Variants in CLTCL1 observed in about 807,000 individuals in gnomAD.
The protein encoded by CLTCL1 is clathrin heavy chain like 1, also known as clathrin heavy chain 2.
In CLTCL1, 159 loss-of-function variants were observed where a neutral mutation model predicts 190.0. That is an observed-to-expected ratio of 0.84 (90% CI 0.74 to 0.95). The LOEUF (loss-of-function observed/expected upper bound fraction) is 0.95. Among genes scored for constraint, CLTCL1 ranks in the 40% least tolerant of loss-of-function variants. The pLI is 0.00. For synonymous variants in CLTCL1, 752 were observed against 769.6 expected, an observed-to-expected ratio of 0.98 and a Z score of 0.38; for missense variants, 1,878 against 2,033.4, an observed-to-expected ratio of 0.92 and a Z score of 1.47.
chr22:19,283,645 T>C (rs1555988407), intron 1 of CLTCL1, among the ~76,000 whole-genome samples: 2 of 152,148 alleles, frequency 1.3e-5, no homozygotes, highest in African/African-American at 2.4e-5. Context: ...AGATGCTGTC[T>C]AATGATCCTT....
chr22:19,258,449 C>A (rs2086836588), intron 2 of CLTCL1: 1 of 424,722 alleles, frequency 2.4e-6, no homozygotes, highest in Middle Eastern at 7.8e-4. Context: ...TTGGCCTGGA[C>A]TTGATGAGAA....
In CLTCL1 at chr22:19,209,030, C is replaced by T; in HGVS notation, c.3334G>A (p.Ala1112Thr). ...AAATCTTTCTGGAGCTGGGCTTGGG[C>T]CAGCTGACTCCACACAGCAGGCTCA... ...CNEPAVWSQL[A>T]QAQLQKDLVK... Residue 1112 changes from alanine (A) to threonine (T), a missense_variant, in exon 21 of 33, where the codon GCC becomes ACC. Transcript: ENST00000427926. 1.2e-6 allele frequency: 2 copies of T among 1,610,660 alleles called. No individual in the cohort carries two copies. Among genetic ancestry groups the T allele is most frequent in the Non-Finnish European group, 1.7e-6 (2 of 1,178,510 alleles).
At chr22:19,272,533 C>T (rs1406464263) in intron 2 of CLTCL1, among the ~76,000 whole-genome samples, 3 of 152,140 alleles carry the variant, frequency 2.0e-5, no homozygotes, top group African/African-American at 7.2e-5. Flanking sequence ...TGCAATAGCA[C>T]GATCTTGGCT....
chr22:19,221,335 A>G, intron 17 of CLTCL1, 42 bp downstream of exon 17: 1 of 1,439,418 alleles, frequency 6.9e-7, no homozygotes, highest in Non-Finnish European at 9.4e-7. Flanking sequence ...CTTCCCTGGG[A>G]GCCCAGGGTT....
At chr22:19,205,288 T>C (rs2085015924) in intron 22 of CLTCL1, among the ~76,000 whole-genome samples, 1 of 152,166 alleles carries the variant, frequency 6.6e-6, no homozygotes, top group Non-Finnish European at 1.5e-5. Flanking sequence ...GGCGGGTGGA[T>C]GGTTTGAGCA....
chr22:19,232,562 C>A lies in CLTCL1; in HGVS notation c.1558G>T (p.Gly520Cys), dbSNP rs1337448910. The change falls in exon 10 of 33, where the codon GGT (glycine) becomes TGT (cysteine). Residue 520 changes from glycine to cysteine, a missense_variant. Physicochemically the swap from Gly to Cys is radical, Grantham distance 159. Coordinates refer to ENST00000427926, the MANE Select transcript of CLTCL1 (RefSeq NM_007098.4). Reference protein sequence around the residue: ...YTPDWIFLLRGVMKISPEQGL... With the variant: ...YTPDWIFLLRCVMKISPEQGL... ...TGTTCCGGACTGATCTTCATTACACCCCTCAGCAGAAAGATCCAGTCTGGG... is the reference window on the plus strand; with the variant it reads ...TGTTCCGGACTGATCTTCATTACACACCTCAGCAGAAAGATCCAGTCTGGG... 6.2e-6 allele frequency: 10 copies of A among 1,613,820 alleles called. No individual in the cohort carries two copies. In the East Asian group the frequency reaches 2.2e-4, roughly 36 times the overall value.
chr22:19,275,060 C>T (rs2087453629), intron 2 of CLTCL1, among the ~76,000 whole-genome samples: 1 of 152,146 alleles, frequency 6.6e-6, no homozygotes. Context: ...AGTGATACTG[C>T]ATTTCACACA....
chr22:19,242,283 T>G (rs2145955172), intron 4 of CLTCL1, among the ~76,000 whole-genome samples: 1 of 150,360 alleles, frequency 6.7e-6, no homozygotes, highest in African/African-American at 2.4e-5. Context: ...CTAGTCTGTG[T>G]GGAAGGATTT....
In CLTCL1 at chr22:19,191,760, A is replaced by G. The variant is rs116461838; in HGVS notation, c.4192-325T>C. 5.7e-3 allele frequency among the ~76,000 whole-genome samples: 862 copies of G among 152,350 alleles called. 11 individuals carry two copies. Among genetic ancestry groups the G allele is most frequent in the African/African-American group, 0.019 (775 of 41,588 alleles). On this transcript the variant is annotated intron_variant, in intron 26 of 32. Transcript: ENST00000427926. ...GTAATCAGTCAGAATGAAGCCCCACAGCAAAACCAAACAACAGAGTATGTT... is the reference window on the plus strand; with the variant it reads ...GTAATCAGTCAGAATGAAGCCCCACGGCAAAACCAAACAACAGAGTATGTT...
intron 22 of CLTCL1, among the ~76,000 whole-genome samples, chr22:19,206,409 T>C (rs1260389157): frequency 6.6e-6 from 1 of 151,832 alleles, no homozygotes; most frequent in Non-Finnish European, 1.5e-5. Flanking sequence ...ACTCGGCTAA[T>C]ATTTTTTAGT....
chr22:19,281,771 T>G (rs1555986880), intron 1 of CLTCL1, among the ~76,000 whole-genome samples: 1 of 152,160 alleles, frequency 6.6e-6, no homozygotes, highest in Non-Finnish European at 1.5e-5. Flanking sequence ...CAACTCCAAA[T>G]ACCAAGAATT....
chr22:19,186,892 C>T (rs782289132), intron 29 of CLTCL1, among the ~76,000 whole-genome samples: 5 of 151,982 alleles, frequency 3.3e-5, no homozygotes, highest in Non-Finnish European at 5.9e-5. Flanking sequence ...TGAGCCACCA[C>T]GTCCAGCCTT....
intron 1 of CLTCL1, among the ~76,000 whole-genome samples, chr22:19,285,283 G>A (rs5746712): frequency 0.07 from 10,546 of 151,656 alleles, 449 homozygotes; most frequent in Middle Eastern, 0.17. Context: ...TTAAAAAAAA[G>A]AAAAAGAAAA....
chr22:19,209,322 AAG>A (rs570273122), intron 20 of CLTCL1: 213 of 485,780 alleles, frequency 4.4e-4, no homozygotes, highest in African/African-American at 2.0e-3. Context: ...CCGAACAAAG[AAG>A]AGACACTCCA....
intron 29 of CLTCL1, 45 bp downstream of exon 29, chr22:19,187,513 A>G: frequency 6.3e-7 from 1 of 1,581,792 alleles, no homozygotes; most frequent in Non-Finnish European, 8.6e-7. Context: ...ATCAGGAAAC[A>G]CACCAAGGCA....
intron 2 of CLTCL1, among the ~76,000 whole-genome samples, chr22:19,263,113 C>CATTT (rs1312613512): frequency 1.3e-5 from 2 of 150,538 alleles, no homozygotes; most frequent in African/African-American, 2.4e-5. Context: ...ATAGATTATT[C>CATTT]ATTTATTTAT....
In CLTCL1 at chr22:19,280,036, C is replaced by T. The variant is rs141333719; in HGVS notation, c.43-4206G>A. 7.5e-4 allele frequency among the ~76,000 whole-genome samples: 114 copies of T among 152,224 alleles called. 1 individual carries two copies. Among genetic ancestry groups the T allele is most frequent in the African/African-American group, 2.7e-3 (111 of 41,538 alleles). On this transcript the variant is annotated intron_variant, in intron 1 of 32. Transcript: ENST00000427926. ...TAATGACTCTAACCAAAGTCATATA[C>T]AGGGACTGTTTTATCGGCTAAGGTT...
At position 19,226,332 on chromosome 22, in the gene CLTCL1, G is replaced by A. The variant is rs1453922843; in HGVS notation, c.1834C>T (p.His612Tyr). The change falls in exon 12 of 33, where the codon CAC becomes TAC. Residue 612 changes from histidine (H) to tyrosine (Y), a missense_variant. Physicochemically the swap from His to Tyr is moderately conservative, Grantham distance 83. Coordinates refer to ENST00000427926, the MANE Select transcript of CLTCL1 (RefSeq NM_007098.4). ...NKMFTHYDRA[H>Y]IAQLCEKAGL... ...GCCTTCTCACAGAGCTGGGCAATGT[G>A]GGCCCGGTCGTAATGAGTAAACATT... 1.2e-6 allele frequency: 2 copies of A among 1,613,924 alleles called. No homozygotes were observed. Among genetic ancestry groups the A allele is most frequent in the African/African-American group, 1.3e-5 (1 of 74,922 alleles).
Position 19,221,579 on chromosome 22 carries a change from T to C in CLTCL1, c.2594A>G (p.Gln865Arg). The C allele has an allele frequency of 6.3e-7, 1 of 1,597,892 alleles. No homozygotes were observed. Among genetic ancestry groups the C allele is most frequent in the Non-Finnish European group, 8.5e-7 (1 of 1,172,034 alleles). The change falls in exon 17 of 33, where the codon CAG becomes CGG. Residue 865 changes from glutamine to arginine, a missense_variant. Physicochemically the swap from Gln to Arg is conservative, Grantham distance 43. Transcript: ENST00000427926. ...LKLLLPWLES[Q>R]IQEGCEEPAT... ...AGGCTCCTCACAGCCTTCCTGAATC[T>C]GGGACTCCAGCCAGGGAAGCAGCAG...
Sources: allele counts gnomAD v4.1 joint callset (sites outside exome capture counted in the v4.1 genomes callset), GRCh38; gene constraint gnomAD v4.1.1; transcripts MANE v1.5; gene names NCBI Gene and HGNC (gene_info 2026-07-23, HGNC 2026-07-21).